Variants in HERC5 observed in about 807,000 individuals in gnomAD.
HERC5 encodes E3 ISG15--protein ligase HERC5.
HERC5 carries 99 observed loss-of-function variants against 119.6 expected under a neutral mutation model. The observed-to-expected ratio is 0.83, with a 90% CI of 0.70 to 0.98. The LOEUF is 0.98. HERC5 is among the 50% of genes least tolerant of loss of function. The pLI is 0.00. For synonymous variants in HERC5, 478 were observed against 445.9 expected (o/e 1.07, Z -0.91); for missense variants, 1,267 against 1,241.3 (o/e 1.02, Z -0.31).
chr4:88,504,031 C>G (rs932923619), intron 20 of HERC5, among the ~76,000 whole-genome samples: 2 of 150,996 alleles, frequency 1.3e-5, no homozygotes, highest in African/African-American at 4.9e-5. Context: ...CGCACCACTG[C>G]ATTCCAGCCC....
chr4:88,469,566 G>T (rs1345812222), intron 9 of HERC5, among the ~76,000 whole-genome samples: 1 of 152,180 alleles, frequency 6.6e-6, no homozygotes, highest in African/African-American at 2.4e-5. Context: ...TGATGTTGCA[G>T]CTCAAGTCTG....
intron 12 of HERC5, among the ~76,000 whole-genome samples, 190 bp downstream of exon 12, chr4:88,476,220 A>G (rs546689335): frequency 3.8e-4 from 58 of 152,308 alleles, no homozygotes; most frequent in Admixed American, 3.7e-3. Flanking sequence ...ACTTTTTTAG[A>G]TTCCTTGGAT....
At position 88,472,319 on chromosome 4, in the gene HERC5, T is replaced by C. The variant is rs1740902798; in HGVS notation, c.1299-90T>C. 10 of 727,218 alleles carry C rather than the reference T, an allele frequency of 1.4e-5. 1 individual carries two copies. In the South Asian group the frequency reaches 1.7e-4, roughly 13 times the overall value. 45.0% of individuals were successfully genotyped at this position (727,218 alleles called of 1,614,324 possible). A position where few individuals can be genotyped will look rare whatever the true frequency, so the allele number is the denominator to read the frequency against. Reference sequence around the variant, plus strand: ...ATAGTTACACACTTGAGAAAAAAGGTAATTTTGTTGAAATGGGGCAAGCTC... The same window carrying C: ...ATAGTTACACACTTGAGAAAAAAGGCAATTTTGTTGAAATGGGGCAAGCTC... On this transcript the variant is annotated intron_variant, in intron 10 of 22. Transcript: ENST00000264350.
At chr4:88,504,738 A>G (rs555931135) in intron 22 of HERC5, 141 bp downstream of exon 22, 3 of 433,360 alleles carry the variant, frequency 6.9e-6, no homozygotes, top group Non-Finnish European at 8.3e-6. Context: ...CTGTGTCCCA[A>G]CATCAAAAAA....
In HERC5 at chr4:88,468,376, T is replaced by C. The variant is rs1740747864; in HGVS notation, c.1088T>C (p.Met363Thr). 1 of 1,611,912 alleles carries C rather than the reference T, an allele frequency of 6.2e-7. No homozygotes were observed. Among genetic ancestry groups the C allele is most frequent in the Non-Finnish European group, 8.5e-7 (1 of 1,178,888 alleles). Residue 363 changes from methionine to threonine, a missense_variant, in exon 8 of 23, where the codon ATG becomes ACG. Physicochemically the swap from Met to Thr is moderately conservative, Grantham distance 81 (BLOSUM62 -1). Around this residue, in one of 3 missense-constraint regions of HERC5, gnomAD observed 777 missense variants for 758.0 expected, o/e 1.03. Transcript: ENST00000264350. ...ESHTSEKELI[M>T]IAGGNQSILL... is the part of the protein sequence containing the mutation. ...CATACCTCAGAAAAGGAGTTAATAATGATTGCTGGAGGGAATCAAAGCATT... is the reference window on the plus strand; with the variant it reads ...CATACCTCAGAAAAGGAGTTAATAACGATTGCTGGAGGGAATCAAAGCATT...
At position 88,505,864 on chromosome 4, in the gene HERC5, A is replaced by G; in HGVS notation, c.3061A>G (p.Arg1021Gly). The change falls in exon 23 of 23, where the codon AGA becomes GGA. Residue 1021 changes from arginine to glycine, a missense_variant. This residue lies in a region of HERC5 where 473 missense variants were observed against 445.7 expected (regional missense o/e 1.06). Coordinates refer to ENST00000264350, the MANE Select transcript of HERC5 (RefSeq NM_016323.4). ...EALQEAINNN[R>G]GFG The stretch of plus-strand genomic sequence containing the variant: ...GCTTCAAGAAGCCATCAACAACAAC[A>G]GAGGATTTGGCTGACCAGCTTGCTT... The G allele has an allele frequency of 1.9e-6, 3 of 1,610,536 alleles. No homozygotes were observed. Among genetic ancestry groups the G allele is most frequent in the Non-Finnish European group, 2.5e-6 (3 of 1,178,552 alleles).
At chr4:88,479,989 C>T (rs1392430462) in intron 13 of HERC5, among the ~76,000 whole-genome samples, 1 of 151,382 alleles carries the variant, frequency 6.6e-6, no homozygotes, top group African/African-American at 2.4e-5. Context: ...ATGGCGTGAA[C>T]CCGGGAGGCG....
intron 20 of HERC5, among the ~76,000 whole-genome samples, chr4:88,503,096 A>G (rs1388129023): frequency 6.6e-6 from 1 of 152,080 alleles, no homozygotes; most frequent in African/African-American, 2.4e-5. Flanking sequence ...AGGGCTATGA[A>G]TATATTCCCC....
In HERC5 at chr4:88,464,004, A is replaced by G. The variant is rs372632571; in HGVS notation, c.911+19A>G. The G allele has an allele frequency of 3.6e-5, 58 of 1,601,670 alleles. No individual in the cohort carries two copies. Among genetic ancestry groups the G allele is most frequent in the Non-Finnish European group, 4.2e-5 (49 of 1,174,196 alleles). On this transcript the variant is annotated intron_variant, in intron 6 of 22. Transcript: ENST00000264350. ...GTGGAAGGTAAGTTGTAAAGTATCAATAAGAATTGATAAAATGAGTGCAGC... is the reference window on the plus strand; with the variant it reads ...GTGGAAGGTAAGTTGTAAAGTATCAGTAAGAATTGATAAAATGAGTGCAGC...
At chr4:88,478,902 A>G (rs2149097207) in intron 12 of HERC5, among the ~76,000 whole-genome samples, 1 of 152,280 alleles carries the variant, frequency 6.6e-6, no homozygotes, top group African/African-American at 2.4e-5. Context: ...GTGAGCCACC[A>G]TGCCTGGCCT....
chr4:88,500,773 G>T, intron 19 of HERC5, 142 bp from the exon 20 acceptor site: 2 of 657,852 alleles, frequency 3.0e-6, no homozygotes, highest in African/African-American at 1.8e-5. Flanking sequence ...TTTTTTGTTT[G>T]TACATTCCTT....
At chr4:88,500,052 T>C in intron 19 of HERC5, 60 bp downstream of exon 19, 1 of 1,011,400 alleles carries the variant, frequency 9.9e-7, no homozygotes, top group South Asian at 1.4e-5. Context: ...CTTTACATAT[T>C]TAACTAAACA....
At chr4:88,464,779 A>C (rs1367205006) in intron 6 of HERC5, among the ~76,000 whole-genome samples, 1 of 150,232 alleles carries the variant, frequency 6.7e-6, no homozygotes, top group Non-Finnish European at 1.5e-5. Flanking sequence ...TTTATTTATT[A>C]TTTTTTTTTG....
chr4:88,484,411 G>T (rs904031449), intron 13 of HERC5, among the ~76,000 whole-genome samples: 20 of 152,126 alleles, frequency 1.3e-4, no homozygotes, highest in African/African-American at 4.6e-4. Flanking sequence ...GGCTTTCTTC[G>T]CAGAGAATTT....
rs764604728 is a variant in HERC5, at chr4:88,500,935, C to T, written c.2532C>T (p.Asp844=). The T allele has an allele frequency of 3.7e-6, 6 of 1,611,754 alleles. No individual in the cohort carries two copies. Residue 844 remains aspartate (D), a synonymous_variant, in exon 20 of 23, where the codon GAC becomes GAT. Transcript: ENST00000264350. Reference sequence around the variant, plus strand: ...TACAGGTGCACTGGGACAGAAACGACACAAACTTAATTCCTAATGGAAGTA... The same window carrying T: ...TACAGGTGCACTGGGACAGAAACGATACAAACTTAATTCCTAATGGAAGTA... ...IHFNVHWDRN[D]TNLIPNGSSI...
At chr4:88,471,583 C>T (rs1740870722) in intron 10 of HERC5, among the ~76,000 whole-genome samples, 1 of 152,060 alleles carries the variant, frequency 6.6e-6, no homozygotes, top group Non-Finnish European at 1.5e-5. Context: ...TCAAGCAGTC[C>T]TCCCACCTCA....
chr4:88,485,762 G>A (rs1741436418), intron 13 of HERC5, among the ~76,000 whole-genome samples: 1 of 152,050 alleles, frequency 6.6e-6, no homozygotes, highest in Non-Finnish European at 1.5e-5. Context: ...ATGTCTATAA[G>A]TGGTATATTA....
At position 88,493,149 on chromosome 4, in the gene HERC5, T is replaced by C; in HGVS notation, c.2271T>C (p.Pro757=). 4 of 1,613,810 alleles carry C rather than the reference T, an allele frequency of 2.5e-6. No homozygotes were observed. The highest frequency in any genetic ancestry group is 3.4e-6 in the Non-Finnish European group (4 of 1,179,834). ...AAGGGGCTTCCTGCATGTGGTTTCCTGTCAAGGTAAGTTCCCTCTTCTTTG... is the reference window on the plus strand; with the variant it reads ...AAGGGGCTTCCTGCATGTGGTTTCCCGTCAAGGTAAGTTCCCTCTTCTTTG... ...YPEGASCMWF[P]VKPKFEKKRY... Residue 757 remains proline (P), a synonymous_variant, in exon 17 of 23, where the codon CCT becomes CCC. Coordinates refer to ENST00000264350, the MANE Select transcript of HERC5 (RefSeq NM_016323.4).
intron 18 of HERC5, among the ~76,000 whole-genome samples, chr4:88,496,458 C>T (rs781366473): frequency 1.3e-5 from 2 of 152,030 alleles, no homozygotes. Flanking sequence ...GCAGGTTTTC[C>T]GATAGAACAG....
Sources: gnomAD v4.1 joint callset for allele counts (sites outside exome capture counted in the v4.1 genomes callset) on GRCh38, gnomAD v4.1.1 for gene constraint, gnomAD v4.1.1 regional missense constraint, MANE v1.5 for transcripts, NCBI Gene and HGNC (gene_info 2026-07-23, HGNC 2026-07-21) for gene names.